Variants in ADAMTS2 observed in about 807,000 individuals in gnomAD.
The protein encoded by ADAMTS2 is ADAM metallopeptidase with thrombospondin type 1 motif 2.
ADAMTS2 carries 50 observed loss-of-function variants against 123.0 expected under a neutral mutation model. That is an observed-to-expected ratio of 0.41 (90% CI 0.32 to 0.51). The LOEUF (loss-of-function observed/expected upper bound fraction) is 0.51, where lower values mean the gene tolerates loss of function less well. ADAMTS2 is among the 20% of genes least tolerant of loss of function. ADAMTS2 has a pLI of 0.35. For missense variants in ADAMTS2, 1,494 were observed against 1,705.2 expected (o/e 0.88, Z 2.18); for synonymous variants, 678 against 695.4 (o/e 0.98, Z 0.39).
At chr5:179,254,065 G>T (rs1765989489) in intron 3 of ADAMTS2, among the ~76,000 whole-genome samples, 1 of 152,218 alleles carries the variant, frequency 6.6e-6, no homozygotes. Flanking sequence ...GCAGGAACTA[G>T]GAGGGGCCTC....
Position 179,234,595 on chromosome 5 carries a change from A to G in ADAMTS2, c.689-26880T>C, listed in dbSNP as rs1242926873. On this transcript the variant is annotated intron_variant, in intron 3 of 21. Transcript: ENST00000251582. This position sits in a 1 kb window ranked among gnomAD's most constrained non-coding sequence, Gnocchi z 4.7. The stretch of plus-strand genomic sequence containing the variant: ...CTGCAACTGCCCCTGGGGTGTCACA[A>G]GGCACCTTCATGCCAACAAGTCCCA... Among the ~76,000 whole-genome samples, 2 of 151,702 alleles carry G rather than the reference A, an allele frequency of 1.3e-5. No individual in the cohort carries two copies. Among genetic ancestry groups the G allele is most frequent in the East Asian group, 3.9e-4 (2 of 5,144 alleles).
intron 3 of ADAMTS2, among the ~76,000 whole-genome samples, chr5:179,271,617 A>G (rs1766535120): frequency 6.6e-6 from 1 of 152,216 alleles, no homozygotes; most frequent in Admixed American, 6.5e-5. Context: ...CACAGCTGGA[A>G]AAGGCTGGGC....
At chr5:179,299,017 C>T (rs1328781227) in intron 2 of ADAMTS2, among the ~76,000 whole-genome samples, 1 of 152,012 alleles carries the variant, frequency 6.6e-6, no homozygotes, top group Non-Finnish European at 1.5e-5. Context: ...CCACCAGAAG[C>T]AAGTTCACAA....
chr5:179,274,798 A>G (rs1040660427), intron 2 of ADAMTS2, among the ~76,000 whole-genome samples: 1 of 152,228 alleles, frequency 6.6e-6, no homozygotes, highest in Non-Finnish European at 1.5e-5. Context: ...GCCCTCGGGA[A>G]GCTGATGTGC....
At position 179,122,785 on chromosome 5, in the gene ADAMTS2, G is replaced by C. The variant is rs773920252; in HGVS notation, c.2959-12C>G. ...CAGGTTACTGAGCACTGCAGGGGGA[G>C]AGTCGCCAGGCAGGGTTCACCTCCC... On this transcript the variant is annotated splice_polypyrimidine_tract_variant and intron_variant, in intron 19 of 21. Coordinates refer to ENST00000251582, the MANE Select transcript of ADAMTS2 (RefSeq NM_014244.5). 68 of 1,553,998 alleles carry C rather than the reference G, an allele frequency of 4.4e-5. No homozygotes were observed. The highest frequency in any genetic ancestry group is 5.6e-5 in the Non-Finnish European group (64 of 1,149,088).
At chr5:179,284,513 A>G (rs904330779) in intron 2 of ADAMTS2, among the ~76,000 whole-genome samples, 4 of 152,016 alleles carry the variant, frequency 2.6e-5, no homozygotes, top group East Asian at 3.9e-4. Flanking sequence ...CAGCCTCCCA[A>G]GTAGCTGGGA....
chr5:179,137,935 G>A lies in ADAMTS2; in HGVS notation c.1785C>T (p.Asn595=), dbSNP rs749792014. 5.2e-6 allele frequency: 8 copies of A among 1,546,900 alleles called. No individual in the cohort carries two copies. The highest frequency in any genetic ancestry group is 1.7e-4 in the Middle Eastern group (1 of 5,976). The change falls in exon 12 of 22, where the codon AAC becomes AAT. Residue 595 remains asparagine, a synonymous_variant. Transcript: ENST00000251582. Reference sequence around the variant, plus strand: ...CAAGGCCCGAGCAGGTGCGGCCCCCGTTGGCCGGGCTGGAGGAGAAAGCAA... The same window carrying A: ...CAAGGCCCGAGCAGGTGCGGCCCCCATTGGCCGGGCTGGAGGAGAAAGCAA... ...TRQCDNPHPA[N]GGRTCSGLAY... is the part of the protein sequence containing the mutation.
rs1440189293 is a variant in ADAMTS2 at position 179,181,644 on chromosome 5, G to T, written c.892-489C>A. ...GGGGCGGTTCTAGGCCCACCACCAG[G>T]TATAATGTTTTAACGTGTTAATAAA... On this transcript the variant is annotated intron_variant, in intron 4 of 21. Transcript: ENST00000251582. The surrounding 1 kb of genome is among the most constrained non-coding windows in gnomAD (Gnocchi z 4.1). Among the ~76,000 whole-genome samples, 1 of 152,198 alleles carries T rather than the reference G, an allele frequency of 6.6e-6. No homozygotes were observed. Among genetic ancestry groups the T allele is most frequent in the Non-Finnish European group, 1.5e-5 (1 of 68,038 alleles).
intron 4 of ADAMTS2, among the ~76,000 whole-genome samples, chr5:179,190,193 G>A (rs1764273374): frequency 6.6e-6 from 1 of 152,168 alleles, no homozygotes; most frequent in East Asian, 1.9e-4. Context: ...ATGAAATAGT[G>A]GTGAAGTGTT....
chr5:179,268,362 CT>C (rs1234018627), intron 3 of ADAMTS2, among the ~76,000 whole-genome samples: 1 of 152,214 alleles, frequency 6.6e-6, no homozygotes, highest in Non-Finnish European at 1.5e-5. Context: ...GTGCAATTAT[CT>C]TTTTTTCCTC....
intron 6 of ADAMTS2, among the ~76,000 whole-genome samples, chr5:179,156,838 A>C (rs1253718759): frequency 6.6e-6 from 1 of 151,936 alleles, no homozygotes; most frequent in Non-Finnish European, 1.5e-5. Context: ...TTTCTCTTAG[A>C]GCCAGTTTTC....
At chr5:179,198,571 T>G (rs556266203) in intron 4 of ADAMTS2, among the ~76,000 whole-genome samples, 1 of 152,178 alleles carries the variant, frequency 6.6e-6, no homozygotes, top group Admixed American at 6.5e-5. Flanking sequence ...CAGTGGCTCA[T>G]GCCTGTGATC....
chr5:179,279,127 T>C (rs1245129096), intron 2 of ADAMTS2, among the ~76,000 whole-genome samples: 1 of 151,988 alleles, frequency 6.6e-6, no homozygotes, highest in Admixed American at 6.6e-5. Context: ...GCCTCCCACC[T>C]GTGTATGACT....
At chr5:179,177,648 C>T (rs760214696) in intron 5 of ADAMTS2, among the ~76,000 whole-genome samples, 2 of 152,110 alleles carry the variant, frequency 1.3e-5, no homozygotes, top group East Asian at 1.9e-4. Context: ...CCAGGATCTC[C>T]GTGTCCCTGG....
intron 3 of ADAMTS2, among the ~76,000 whole-genome samples, chr5:179,220,131 G>A (rs567747452): frequency 3.3e-5 from 5 of 152,382 alleles, no homozygotes; most frequent in African/African-American, 9.6e-5. Flanking sequence ...ACCGCAGCAC[G>A]CGGCAGCCAA....
intron 10 of ADAMTS2, among the ~76,000 whole-genome samples, chr5:179,151,571 G>GT (rs1479772589): frequency 1.3e-5 from 2 of 152,224 alleles, no homozygotes; most frequent in Non-Finnish European, 2.9e-5. Flanking sequence ...CCCCTAGCAA[G>GT]TAACTGGCTG....
chr5:179,191,260 G>A (rs941555571), intron 4 of ADAMTS2, among the ~76,000 whole-genome samples: 3 of 152,202 alleles, frequency 2.0e-5, no homozygotes, highest in Non-Finnish European at 4.4e-5. Flanking sequence ...TGCCTCCCTG[G>A]AACTCTGCTG....
intron 2 of ADAMTS2, among the ~76,000 whole-genome samples, chr5:179,315,289 G>GCCACAGTTGGCTTCTGGAAAGCACTGAGT (rs1756958878): frequency 6.6e-6 from 1 of 152,244 alleles, no homozygotes; most frequent in African/African-American, 2.4e-5. Context: ...AAGCACTGAG[G>GCCACAGTTGGCTTCTGGAAAGCACTGAGT]CCACAGTTGG....
intron 3 of ADAMTS2, among the ~76,000 whole-genome samples, chr5:179,231,936 A>T (rs1765419957): frequency 2.1e-5 from 1 of 47,912 alleles, no homozygotes; most frequent in East Asian, 8.2e-3. Context: ...AAAAGAAAAA[A>T]GAAAAAGAAA....
Sources: gnomAD v4.1 joint callset for allele counts (sites outside exome capture counted in the v4.1 genomes callset) on GRCh38, gnomAD v4.1.1 for gene constraint, Gnocchi (gnomAD v3.1) non-coding constraint, MANE v1.5 for transcripts, NCBI Gene and HGNC (gene_info 2026-07-23, HGNC 2026-07-21) for gene names.